The following ZSWIM2 variants were observed in gnomAD, a reference collection of about 807,000 sequenced individuals.
ZSWIM2 encodes the protein zinc finger SWIM-type containing 2, also known as E3 ubiquitin-protein ligase ZSWIM2.
A neutral mutation model predicts 48.4 loss-of-function variants in ZSWIM2; 38 were observed. The ratio of observed to expected loss-of-function variants is 0.79; its 90% CI spans 0.61 to 1.03. ZSWIM2 has a LOEUF of 1.03. ZSWIM2 is among the 50% of genes least tolerant of loss of function. The pLI is 0.00. For synonymous variants in ZSWIM2, 240 were observed against 251.3 expected (o/e 0.96, Z 0.42); for missense variants, 776 against 730.2 (o/e 1.06, Z -0.72).
chr2:186,828,049 C>G lies in ZSWIM2; in HGVS notation c.1837G>C (p.Val613Leu), dbSNP rs1691627998. 1.9e-6 allele frequency: 3 copies of G among 1,612,884 alleles called. No individual in the cohort carries two copies. Among genetic ancestry groups the G allele is most frequent in the Non-Finnish European group, 2.5e-6 (3 of 1,179,546 alleles). Residue 613 changes from valine to leucine, a missense_variant, in exon 9 of 9, where the codon GTG (valine) becomes CTG (leucine). Val to Leu is a conservative substitution (Grantham distance 32, BLOSUM62 1). Coordinates refer to ENST00000295131, the MANE Select transcript of ZSWIM2 (RefSeq NM_182521.3). ...RKCSHLSRQP[V>L]SHSVNTKSTE... ...CTTTTTGTATTTACAGAGTGAGACA[C>G]AGGCTGTCTTGATAGATGACTACAT...
chr2:186,846,109 C>T (rs1264599346), intron 2 of ZSWIM2, among the ~76,000 whole-genome samples: 1 of 151,580 alleles, frequency 6.6e-6, no homozygotes, highest in Non-Finnish European at 1.5e-5. Flanking sequence ...TAAGAAAATG[C>T]AACAAAAAGA....
At chr2:186,834,162 T>A in intron 5 of ZSWIM2, 132 bp from the exon 6 acceptor site, 1 of 626,924 alleles carries the variant, frequency 1.6e-6, no homozygotes, top group East Asian at 2.8e-5. Flanking sequence ...AGTCACACTG[T>A]GTATTAGTTT....
intron 7 of ZSWIM2, 98 bp from the exon 8 acceptor site, chr2:186,829,978 A>T: frequency 8.2e-7 from 1 of 1,225,518 alleles, no homozygotes. Flanking sequence ...AAATAATGCA[A>T]TCGAACCCTA....
chr2:186,846,393 C>G (rs797007030), intron 2 of ZSWIM2, among the ~76,000 whole-genome samples: 13 of 151,994 alleles, frequency 8.6e-5, no homozygotes, highest in African/African-American at 3.1e-4. Context: ...CTCAACATCA[C>G]TAATCATCAG....
At position 186,829,767 on chromosome 2, in the gene ZSWIM2, T is replaced by C. The variant is rs1407101365; in HGVS notation, c.1055A>G (p.His352Arg). The change falls in exon 8 of 9, where the codon CAT becomes CGT. Residue 352 changes from histidine to arginine, a missense_variant. His to Arg is a conservative substitution (Grantham distance 29). Coordinates refer to ENST00000295131, the MANE Select transcript of ZSWIM2 (RefSeq NM_182521.3). ...YQCLLCLKAF[H>R]LGQHTRLLPC... ...TAGCAATCTTGTATGTTGACCAAGA[T>C]GAAATGCCTTCAAACAAAGTAGACA... 3.7e-6 allele frequency: 6 copies of C among 1,613,576 alleles called. No homozygotes were observed. The highest frequency in any genetic ancestry group is 1.3e-5 in the African/African-American group (1 of 75,006).
At chr2:186,843,608 C>T (rs765139252) in intron 3 of ZSWIM2, among the ~76,000 whole-genome samples, 1 of 151,528 alleles carries the variant, frequency 6.6e-6, no homozygotes, top group Non-Finnish European at 1.5e-5. Context: ...TCAAGGTTTA[C>T]AGCTTTGAAG....
intron 6 of ZSWIM2, 35 bp from the exon 7 acceptor site, chr2:186,833,267 G>T: frequency 9.3e-7 from 1 of 1,071,038 alleles, no homozygotes; most frequent in Non-Finnish European, 1.3e-6. Context: ...ACTTTGCAAA[G>T]TCGTGGATAT....
At chr2:186,846,108 GCAA>G (rs993446400) in intron 2 of ZSWIM2, among the ~76,000 whole-genome samples, 1 of 151,678 alleles carries the variant, frequency 6.6e-6, no homozygotes, top group African/African-American at 2.4e-5. Flanking sequence ...ATAAGAAAAT[GCAA>G]CAAAAAGAAA....
At chr2:186,830,693 T>A (rs1691683802) in intron 7 of ZSWIM2, among the ~76,000 whole-genome samples, 1 of 113,416 alleles carries the variant, frequency 8.8e-6, no homozygotes, top group East Asian at 2.0e-4. Flanking sequence ...ACTGTTAGAC[T>A]ATGTTAATAG....
In ZSWIM2 at chr2:186,833,950, C is replaced by T. The variant is rs200253183; in HGVS notation, c.824G>A (p.Arg275His). The T allele has an allele frequency of 2.6e-5, 42 of 1,612,176 alleles. No homozygotes were observed. The highest frequency in any genetic ancestry group is 6.7e-5 in the Admixed American group (4 of 59,936). The change falls in exon 6 of 9, where the codon CGT (arginine) becomes CAT (histidine). Residue 275 changes from arginine (R) to histidine (H), a missense_variant. Transcript: ENST00000295131. ...CCHLSHTFTF[R>H]EKRNQKWRSL... The stretch of plus-strand genomic sequence containing the variant: ...GATTCAAGATGGATACTGTACCTCA[C>T]GAAATGTAAACGTGTGGGAAAGATG...
intron 5 of ZSWIM2, 73 bp downstream of exon 5, chr2:186,837,233 T>C (rs908071138): frequency 1.3e-6 from 2 of 1,537,518 alleles, no homozygotes; most frequent in East Asian, 2.3e-5. Context: ...GAACGGGTAC[T>C]CTAATGCTCA....
intron 8 of ZSWIM2, 123 bp downstream of exon 8, chr2:186,829,604 G>A (rs1691662108): frequency 3.4e-6 from 3 of 884,948 alleles, no homozygotes; most frequent in Admixed American, 2.8e-5. Flanking sequence ...TATATGTGCT[G>A]TGCAATGTGA....
Position 186,833,943 on chromosome 2 carries a change from T to C in ZSWIM2, c.828+3A>G. ...TGTATTAGATTCAAGATGGATACTGTACCTCACGAAATGTAAACGTGTGGG... is the reference window on the plus strand; with the variant it reads ...TGTATTAGATTCAAGATGGATACTGCACCTCACGAAATGTAAACGTGTGGG... On this transcript the variant is annotated splice_donor_region_variant and intron_variant, in intron 6 of 8. Coordinates refer to ENST00000295131, the MANE Select transcript of ZSWIM2 (RefSeq NM_182521.3). The C allele has an allele frequency of 5.0e-6, 8 of 1,610,312 alleles. No homozygotes were observed. The highest frequency in any genetic ancestry group is 6.8e-6 in the Non-Finnish European group (8 of 1,177,000).
At position 186,828,381 on chromosome 2, in the gene ZSWIM2, G is replaced by C; in HGVS notation, c.1505C>G (p.Thr502Ser). ...AGATGGTATTTTCCCAAATGACACA[G>C]TGGGTAAATCTTGAAGATACCTGGG... ...HFPRYLQDLP[T>S]VSFGKIPSQT... Residue 502 changes from threonine to serine, a missense_variant, in exon 9 of 9, where the codon ACT (threonine) becomes AGT (serine). Thr to Ser is a moderately conservative substitution (Grantham distance 58). Transcript: ENST00000295131. 1.2e-6 allele frequency: 2 copies of C among 1,613,744 alleles called. No individual in the cohort carries two copies. The highest frequency in any genetic ancestry group is 1.7e-6 in the Non-Finnish European group (2 of 1,179,814).
chr2:186,842,479 T>G, intron 3 of ZSWIM2, among the ~76,000 whole-genome samples: 1 of 151,388 alleles, frequency 6.6e-6, no homozygotes, highest in East Asian at 1.9e-4. Flanking sequence ...AAAAATTCCC[T>G]ACTGTAGACT....
Position 186,828,403 on chromosome 2 carries a change from T to G in ZSWIM2, c.1483A>C (p.Arg495=). ...YDYKISQHFP[R]YLQDLPTVSF... ...ACAGTGGGTAAATCTTGAAGATACC[T>G]GGGAAAATGTTGGCTAATTTTATAA... Residue 495 remains arginine (R), a synonymous_variant, in exon 9 of 9, where the codon AGG becomes CGG. Coordinates refer to ENST00000295131, the MANE Select transcript of ZSWIM2 (RefSeq NM_182521.3). 6.2e-7 allele frequency: 1 copy of G among 1,613,680 alleles called. No homozygotes were observed. The highest frequency in any genetic ancestry group is 8.5e-7 in the Non-Finnish European group (1 of 1,179,790).
chr2:186,833,879 T>A (rs543910936), intron 6 of ZSWIM2, 67 bp downstream of exon 6: 1 of 1,292,314 alleles, frequency 7.7e-7, no homozygotes, highest in Non-Finnish European at 1.1e-6. Flanking sequence ...TTCTTATTCT[T>A]ACACTGACTT....
In ZSWIM2 at chr2:186,837,422, C is replaced by T. The variant is rs1370791668; in HGVS notation, c.627G>A (p.Glu209=). The stretch of plus-strand genomic sequence containing the variant: ...CTAGTTTGCTAGAGTTTTTGAATTC[C>T]TCCAAAATCAGTTTTAATGGTGCAA... The part of the protein sequence containing the change: ...KEFAPLKLIL[E]EFKNSSKLVA... The change falls in exon 5 of 9, where the codon GAG becomes GAA. Residue 209 remains glutamate (E), a synonymous_variant. Transcript: ENST00000295131. 1 of 1,612,580 alleles carries T rather than the reference C, an allele frequency of 6.2e-7. No homozygotes were observed. Among genetic ancestry groups the T allele is most frequent in the African/African-American group, 1.3e-5 (1 of 74,780 alleles).
At chr2:186,837,834 A>C (rs1308685250) in intron 4 of ZSWIM2, among the ~76,000 whole-genome samples, 1 of 150,962 alleles carries the variant, frequency 6.6e-6, no homozygotes, top group Admixed American at 6.6e-5. Context: ...GCATCATTAA[A>C]ATATTTTCAT....
Sources: gnomAD v4.1 joint callset for allele counts (sites outside exome capture counted in the v4.1 genomes callset) on GRCh38, gnomAD v4.1.1 for gene constraint, MANE v1.5 for transcripts, NCBI Gene and HGNC (gene_info 2026-07-23, HGNC 2026-07-21) for gene names.